The following BBS4 variants were observed in gnomAD, a reference collection of about 807,000 sequenced individuals.
The protein encoded by BBS4 is BBSome complex member BBS4.
Under a neutral mutation model 71.4 loss-of-function variants are expected in BBS4, and 58 were observed. The ratio of observed to expected loss-of-function variants is 0.81; its 90% CI spans 0.66 to 1.01. The LOEUF (loss-of-function observed/expected upper bound fraction) is 1.01. BBS4 is among the 50% of genes least tolerant of loss of function. The pLI is 0.00. For synonymous variants in BBS4, 228 were observed against 216.8 expected (o/e 1.05, Z -0.46); for missense variants, 660 against 607.9 (o/e 1.09, Z -0.90).
At chr15:72,721,964 G>T (rs1567420115) in intron 6 of BBS4, among the ~76,000 whole-genome samples, 1 of 152,210 alleles carries the variant, frequency 6.6e-6, no homozygotes, top group East Asian at 1.9e-4. Context: ...TAGCTACTCT[G>T]CCTTTTCTGC....
At chr15:72,712,339 A>G in intron 4 of BBS4, 32 bp downstream of exon 4, 1 of 1,591,662 alleles carries the variant, frequency 6.3e-7, no homozygotes, top group Non-Finnish European at 8.6e-7. Flanking sequence ...TTCTTGCTAG[A>G]GAAATACACT....
chr15:72,711,130 C>T (rs1014110464), intron 3 of BBS4, among the ~76,000 whole-genome samples: 1 of 150,482 alleles, frequency 6.6e-6, no homozygotes, highest in East Asian at 2.0e-4. Context: ...ACCGCTGATC[C>T]GAAGGCAGAT....
intron 3 of BBS4, among the ~76,000 whole-genome samples, chr15:72,710,827 A>C (rs1367431039): frequency 6.7e-6 from 1 of 149,650 alleles, no homozygotes; most frequent in Non-Finnish European, 1.5e-5. Flanking sequence ...TTTTGCTCTT[A>C]TTGCCCAGGC....
intron 2 of BBS4, among the ~76,000 whole-genome samples, chr15:72,697,257 G>A (rs2065093258): frequency 6.6e-6 from 1 of 152,206 alleles, no homozygotes; most frequent in Admixed American, 6.5e-5. Flanking sequence ...ATTAAGAAAA[G>A]AGAAGAACTA....
intron 8 of BBS4, among the ~76,000 whole-genome samples, chr15:72,726,120 C>T (rs2151038504): frequency 7.1e-6 from 1 of 140,572 alleles, no homozygotes; most frequent in Middle Eastern, 3.5e-3. Context: ...TCTTTCCTTC[C>T]TTTCATTTAT....
intron 11 of BBS4, 45 bp from the exon 12 acceptor site, chr15:72,731,510 C>G (rs373849462): frequency 2.6e-5 from 42 of 1,614,070 alleles, no homozygotes; most frequent in Non-Finnish European, 3.6e-5. Context: ...GTTATTGGGT[C>G]TGTTTAGCTT....
intron 12 of BBS4, among the ~76,000 whole-genome samples, chr15:72,732,037 A>G (rs1231958316): frequency 1.3e-5 from 2 of 152,188 alleles, no homozygotes; most frequent in African/African-American, 4.8e-5. Context: ...ACTAAGTTCC[A>G]GACAGCAAGT....
intron 2 of BBS4, among the ~76,000 whole-genome samples, chr15:72,702,771 C>CT (rs2065193358): frequency 7.3e-6 from 1 of 137,906 alleles, no homozygotes; most frequent in South Asian, 2.5e-4. Context: ...CTTGCCTTCT[C>CT]TTCTCTTTTT....
At chr15:72,695,601 T>C (rs1217639189) in intron 2 of BBS4, among the ~76,000 whole-genome samples, 11 of 152,324 alleles carry the variant, frequency 7.2e-5, no homozygotes, top group Admixed American at 5.9e-4. Context: ...TTCTCTCTCT[T>C]GTTGATTCTT....
rs58644289 is a variant in BBS4 at position 72,688,411 on chromosome 15, C to CTTTTTTTTTTTTTTTTTTTTTTTTTTTTT, written c.24+2180_24+2181insTTTTTTTTTTTTTTTTTTTTTTTTTTTTT. On this transcript the variant is annotated intron_variant, in intron 1 of 15. Coordinates refer to ENST00000268057, the MANE Select transcript of BBS4 (RefSeq NM_033028.5). ...GTCCTTTTAGGAAGTGGTATTTTATCTTTTTTTTTTTTTTTTTTTTGAGAC... is the reference window on the plus strand; with the variant it reads ...GTCCTTTTAGGAAGTGGTATTTTATCTTTTTTTTTTTTTTTTTTTTTTTTTTTTTTTTTTTTTTTTTTTTTTTTTGAGAC... Among the ~76,000 whole-genome samples, 17 of 83,052 alleles carry CTTTTTTTTTTTTTTTTTTTTTTTTTTTTT rather than the reference C, an allele frequency of 2.0e-4. 2 individuals are homozygous for CTTTTTTTTTTTTTTTTTTTTTTTTTTTTT. The highest frequency in any genetic ancestry group is 3.1e-4 in the African/African-American group (7 of 22,600). 54.5% of individuals were successfully genotyped at this position (83,052 alleles called of 152,430 possible).
intron 8 of BBS4, among the ~76,000 whole-genome samples, chr15:72,727,465 CTTTG>C (rs143911336): frequency 0.082 from 12,421 of 152,020 alleles, 617 homozygotes; most frequent in Non-Finnish European, 0.12. Flanking sequence ...TGGTATAGCT[CTTTG>C]TTTAAGTGGA....
chr15:72,696,955 C>T (rs1398299441), intron 2 of BBS4, among the ~76,000 whole-genome samples: 7 of 149,332 alleles, frequency 4.7e-5, no homozygotes, highest in African/African-American at 9.9e-5. Flanking sequence ...GTTTTTGAGG[C>T]GGAGGCTCGC....
rs1425885648 is a variant in BBS4, at chr15:72,738,100, AAAAAC to A, written c.*518_*522del. On this transcript the variant is annotated 3_prime_UTR_variant, in exon 16 of 16. Coordinates refer to ENST00000268057, the MANE Select transcript of BBS4 (RefSeq NM_033028.5). ...TTTAATAGTATACATTTAAAAGAAAAAAAACAAAAGCCCTGGAAGTTGAGGCCAAG... is the reference window on the plus strand; with the variant it reads ...TTTAATAGTATACATTTAAAAGAAAAAAAAGCCCTGGAAGTTGAGGCCAAG... 1 of 453,078 alleles carries A rather than the reference AAAAAC, an allele frequency of 2.2e-6. No individual in the cohort carries two copies. The highest frequency in any genetic ancestry group is 1.6e-5 in the South Asian group (1 of 64,224). 28.1% of individuals were successfully genotyped at this position (453,078 alleles called of 1,614,324 possible).
chr15:72,712,902 A>G (rs184171750), intron 4 of BBS4, among the ~76,000 whole-genome samples: 17 of 152,324 alleles, frequency 1.1e-4, no homozygotes, highest in Non-Finnish European at 2.5e-4. Flanking sequence ...TTTACTTTAT[A>G]AACTTTAAAA....
chr15:72,725,570 A>G (rs961440700), intron 8 of BBS4, among the ~76,000 whole-genome samples: 5 of 152,174 alleles, frequency 3.3e-5, no homozygotes, highest in African/African-American at 1.2e-4. Flanking sequence ...CAGAGATATT[A>G]TTAGGGACAG....
At chr15:72,723,915 C>T (rs530943120) in intron 7 of BBS4, among the ~76,000 whole-genome samples, 1 of 152,168 alleles carries the variant, frequency 6.6e-6, no homozygotes, top group Admixed American at 6.5e-5. Context: ...TACTGTACAG[C>T]TAACAGGCTA....
chr15:72,708,142 A>G (rs1053026445), intron 2 of BBS4, among the ~76,000 whole-genome samples: 4 of 151,972 alleles, frequency 2.6e-5, no homozygotes, highest in Admixed American at 1.3e-4. Flanking sequence ...AATTTTTTGT[A>G]TTTTTAGTAG....
chr15:72,686,523 C>T (rs775255819), intron 1 of BBS4: 3 of 1,505,334 alleles, frequency 2.0e-6, no homozygotes, highest in Non-Finnish European at 2.7e-6. Flanking sequence ...AGTAATGGCT[C>T]TTACCGTAGT....
rs75847960 is a variant in BBS4, at chr15:72,737,433, T to C, written c.1451-45T>C. The C allele has an allele frequency of 0.11, 165,491 of 1,501,516 alleles. 10,093 individuals are homozygous for C. The highest frequency in any genetic ancestry group is 0.13 in the Non-Finnish European group (137,759 of 1,090,260). The allele number at this position is 1,501,516 out of a possible 1,614,324, so 93.0% of individuals were successfully genotyped here. A position where few individuals can be genotyped will look rare whatever the true frequency, so the allele number is the denominator to read the frequency against. On this transcript the variant is annotated intron_variant, in intron 15 of 15. Transcript: ENST00000268057. Reference sequence around the variant, plus strand: ...AACAGCAAAAAAGAATGATTTCTTCTGAAATTGTGGAACATGAGGATTCAA... The same window carrying C: ...AACAGCAAAAAAGAATGATTTCTTCCGAAATTGTGGAACATGAGGATTCAA...
Sources: gnomAD v4.1 joint callset for allele counts (sites outside exome capture counted in the v4.1 genomes callset) on GRCh38, gnomAD v4.1.1 for gene constraint, MANE v1.5 for transcripts, NCBI Gene and HGNC (gene_info 2026-07-23, HGNC 2026-07-21) for gene names.